The following EFCAB11 variants were observed in gnomAD, a reference collection of about 807,000 sequenced individuals.
EFCAB11 encodes EF-hand calcium-binding domain-containing protein 11.
A neutral mutation model predicts 23.0 loss-of-function variants in EFCAB11; 14 were observed. The observed-to-expected ratio is 0.61, with a 90% CI of 0.40 to 0.95. The LOEUF is 0.95. Among genes scored for constraint, EFCAB11 ranks in the 40% least tolerant of loss-of-function variants. The pLI is 0.00. For synonymous variants in EFCAB11, 65 were observed against 66.6 expected, an observed-to-expected ratio of 0.98 and a Z score of 0.11; for missense variants, 198 against 195.8, an observed-to-expected ratio of 1.01 and a Z score of -0.07.
chr14:89,905,477 T>G (rs1204789461), intron 5 of EFCAB11, among the ~76,000 whole-genome samples: 1 of 152,032 alleles, frequency 6.6e-6, no homozygotes, highest in Non-Finnish European at 1.5e-5. Context: ...GTCACAAGCA[T>G]TGAAAAGAAG....
intron 3 of EFCAB11, among the ~76,000 whole-genome samples, chr14:89,943,272 G>A (rs1170654952): frequency 1.3e-5 from 2 of 150,854 alleles, no homozygotes; most frequent in African/African-American, 4.9e-5. Context: ...TTGAAACAGG[G>A]TCTCGCTCTG....
intron 5 of EFCAB11, among the ~76,000 whole-genome samples, chr14:89,842,727 C>T (rs1887312737): frequency 6.6e-6 from 1 of 152,154 alleles, no homozygotes; most frequent in Admixed American, 6.5e-5. Context: ...ACTCACACAG[C>T]CCTTCGTGAT....
chr14:89,864,995 C>G (rs1018407944), intron 5 of EFCAB11, among the ~76,000 whole-genome samples: 1 of 152,190 alleles, frequency 6.6e-6, no homozygotes, highest in Non-Finnish European at 1.5e-5. Flanking sequence ...AGGGGTGTCC[C>G]ACAACCTTAG....
intron 5 of EFCAB11, among the ~76,000 whole-genome samples, chr14:89,855,964 T>C (rs1887738250): frequency 6.6e-6 from 1 of 152,222 alleles, no homozygotes; most frequent in African/African-American, 2.4e-5. Context: ...TCAGGATCAC[T>C]TTTAAGGCTG....
rs146874571 is a variant in EFCAB11 at position 89,840,327 on chromosome 14, A to G, written c.411-43003T>C. The stretch of plus-strand genomic sequence containing the variant: ...GAAGATACTTGAGATATTTTATTTT[A>G]CAATTGCAATGAAGAAATTGTTTTG... On this transcript the variant is annotated intron_variant, in intron 5 of 5. Transcript: ENST00000316738. 1.2e-3 allele frequency among the ~76,000 whole-genome samples: 183 copies of G among 152,328 alleles called. 1 individual carries two copies. The highest frequency in any genetic ancestry group is 4.1e-3 in the African/African-American group (169 of 41,584).
At chr14:89,892,128 T>C (rs1485671893) in intron 5 of EFCAB11, 2 of 1,554,144 alleles carry the variant, frequency 1.3e-6, no homozygotes, top group African/African-American at 1.4e-5. Context: ...CAGGAGGTCA[T>C]GGCCACTCAG....
chr14:89,915,513 A>G (rs949532691), intron 5 of EFCAB11, among the ~76,000 whole-genome samples: 3 of 152,240 alleles, frequency 2.0e-5, no homozygotes, highest in Non-Finnish European at 4.4e-5. Flanking sequence ...TGTTTGGTTC[A>G]TTAAGAGAGG....
rs1890393008 is a variant in EFCAB11, at chr14:89,931,615, A to G, written c.336T>C (p.Thr112=). The G allele has an allele frequency of 5.6e-6, 9 of 1,614,120 alleles. No homozygotes were observed. Among genetic ancestry groups the G allele is most frequent in the Non-Finnish European group, 7.6e-6 (9 of 1,179,996 alleles). ...TAAATGCTTTTTTGAAATCTTCCAAAGTTAAAAATCCACGATCTATTTGAA... is the reference window on the plus strand; with the variant it reads ...TAAATGCTTTTTTGAAATCTTCCAAGGTTAAAAATCCACGATCTATTTGAA... ...AFDTYYRGFL[T]LEDFKKAFRQ... is the part of the protein sequence containing the mutation. The change falls in exon 5 of 6, where the codon ACT becomes ACC. Residue 112 remains threonine, a synonymous_variant. Transcript: ENST00000316738.
At chr14:89,845,823 G>T (rs904530642) in intron 5 of EFCAB11, among the ~76,000 whole-genome samples, 1 of 152,160 alleles carries the variant, frequency 6.6e-6, no homozygotes, top group Admixed American at 6.5e-5. Context: ...GTACTGGGTC[G>T]AGTGGTGCGT....
chr14:89,930,579 G>A (rs1890355079), intron 5 of EFCAB11, among the ~76,000 whole-genome samples: 1 of 152,106 alleles, frequency 6.6e-6, no homozygotes, highest in Non-Finnish European at 1.5e-5. Flanking sequence ...TAACCAGCTG[G>A]AATTCAGATT....
intron 5 of EFCAB11, among the ~76,000 whole-genome samples, chr14:89,839,689 T>A (rs115081887): frequency 6.6e-6 from 1 of 152,070 alleles, no homozygotes; most frequent in East Asian, 1.9e-4. Context: ...CCACAGCCTA[T>A]ACAAGAAGCA....
chr14:89,814,834 C>T (rs1013497363), intron 5 of EFCAB11, among the ~76,000 whole-genome samples: 2 of 152,174 alleles, frequency 1.3e-5, no homozygotes, highest in African/African-American at 2.4e-5. Context: ...CAGTCCTATG[C>T]CCAGCTAATA....
rs147596648 is a variant in EFCAB11 at position 89,803,841 on chromosome 14, G to A, written c.411-6517C>T. ...TTCCCACTGGCGTGCTTGCCTCTTT[G>A]TTGATGAGAGTCCTGCAGGGCTCTA... On this transcript the variant is annotated intron_variant, in intron 5 of 5. Coordinates refer to ENST00000316738, the MANE Select transcript of EFCAB11 (RefSeq NM_145231.4). Among the ~76,000 whole-genome samples, 4 of 152,316 alleles carry A rather than the reference G, an allele frequency of 2.6e-5. No individual in the cohort carries two copies. In the South Asian group the frequency reaches 6.2e-4, roughly 24 times the overall value.
chr14:89,851,114 G>A (rs1393245304), intron 5 of EFCAB11, among the ~76,000 whole-genome samples: 2 of 152,130 alleles, frequency 1.3e-5, no homozygotes, highest in African/African-American at 2.4e-5. Flanking sequence ...ACTTTATTTT[G>A]TAGTCAGGTA....
At chr14:89,891,764 T>A (rs912357574) in intron 5 of EFCAB11, among the ~76,000 whole-genome samples, 178 of 152,204 alleles carry the variant, frequency 1.2e-3, no homozygotes, top group African/African-American at 4.0e-3. Context: ...CTACTGTGCA[T>A]TAAAAAGATA....
chr14:89,931,567 C>T lies in EFCAB11; in HGVS notation c.384G>A (p.Pro128=), dbSNP rs763162180. ...TGAATACCTCAAGAACAGTCCTTTC[C>T]GGTAATTTGGGAGCCACCTGCCTAA... is the stretch of plus-strand genomic sequence containing the variant. ...KAFRQVAPKL[P]ERTVLEVFRE... is the part of the protein sequence containing the mutation. Residue 128 remains proline (P), a synonymous_variant, in exon 5 of 6, where the codon CCG becomes CCA. Coordinates refer to ENST00000316738, the MANE Select transcript of EFCAB11 (RefSeq NM_145231.4). 3.9e-5 allele frequency: 63 copies of T among 1,613,942 alleles called. No individual in the cohort carries two copies. The highest frequency in any genetic ancestry group is 6.7e-5 in the East Asian group (3 of 44,884).
At chr14:89,866,657 C>T (rs1888102168) in intron 5 of EFCAB11, among the ~76,000 whole-genome samples, 1 of 152,214 alleles carries the variant, frequency 6.6e-6, no homozygotes. Flanking sequence ...CTTGTCTAGG[C>T]TGAAACATGT....
chr14:89,809,639 G>A (rs141939853), intron 5 of EFCAB11, among the ~76,000 whole-genome samples: 177 of 152,254 alleles, frequency 1.2e-3, no homozygotes, highest in Non-Finnish European at 1.8e-3. Flanking sequence ...AAGCACAGAC[G>A]CACAGTCACC....
At chr14:89,821,332 G>C (rs1886510775) in intron 5 of EFCAB11, among the ~76,000 whole-genome samples, 1 of 152,152 alleles carries the variant, frequency 6.6e-6, no homozygotes, top group Admixed American at 6.5e-5. Flanking sequence ...TCTCCAGCCG[G>C]CAGCCTTCCC....
Sources: gnomAD v4.1 joint callset for allele counts (sites outside exome capture counted in the v4.1 genomes callset) on GRCh38, gnomAD v4.1.1 for gene constraint, MANE v1.5 for transcripts, NCBI Gene and HGNC (gene_info 2026-07-23, HGNC 2026-07-21) for gene names.